The following RPA3 variants were observed in gnomAD, a reference collection of about 807,000 sequenced individuals.
RPA3 encodes replication protein A 14 kDa subunit.
In RPA3, 24 loss-of-function variants were observed where a neutral mutation model predicts 13.7. The ratio of observed to expected loss-of-function variants is 1.75; its 90% CI spans 1.27 to 2.46. The LOEUF is 2.46. Ranked by LOEUF, RPA3 falls within the 30% of genes most tolerant of loss-of-function variation. RPA3 has a pLI of 0.00. For synonymous variants in RPA3, 59 were observed against 51.2 expected (o/e 1.15, Z -0.65); for missense variants, 183 against 151.0 (o/e 1.21, Z -1.11).
intron 2 of RPA3, among the ~76,000 whole-genome samples, chr7:7,694,367 T>C (rs1308839691): frequency 6.6e-6 from 1 of 152,178 alleles, no homozygotes; most frequent in Non-Finnish European, 1.5e-5. Context: ...TATCATTTTT[T>C]TGTGATACAG....
chr7:7,641,271 C>T (rs1268924509), intron 4 of RPA3, 96 bp from the exon 5 acceptor site: 5 of 152,216 alleles, frequency 3.3e-5, no homozygotes, highest in African/African-American at 4.8e-5. Context: ...CCCGCTAACC[C>T]CTCCGTGTTG....
chr7:7,646,738 A>G (rs1785104236), intron 4 of RPA3, among the ~76,000 whole-genome samples: 2 of 151,938 alleles, frequency 1.3e-5, no homozygotes, highest in Non-Finnish European at 1.5e-5. Flanking sequence ...TCCCATGGCC[A>G]ATCTCCTCTC....
At chr7:7,712,587 C>T (rs546614325) in intron 2 of RPA3, among the ~76,000 whole-genome samples, 2 of 152,200 alleles carry the variant, frequency 1.3e-5, no homozygotes, top group South Asian at 4.1e-4. Flanking sequence ...TCTTTAGATT[C>T]TTTTGAATTT....
At chr7:7,693,473 A>C (rs550424461) in intron 2 of RPA3, among the ~76,000 whole-genome samples, 32 of 152,204 alleles carry the variant, frequency 2.1e-4, no homozygotes, top group African/African-American at 7.0e-4. Context: ...AAGTTAACCA[A>C]ATTTTTATTT....
At chr7:7,645,999 G>T (rs891857860) in intron 4 of RPA3, among the ~76,000 whole-genome samples, 1 of 152,162 alleles carries the variant, frequency 6.6e-6, no homozygotes, top group East Asian at 1.9e-4. Context: ...AACCCCTTAC[G>T]GGAGAGGGAG....
At chr7:7,662,160 C>A (rs2348554) in intron 4 of RPA3, among the ~76,000 whole-genome samples, 1 of 151,950 alleles carries the variant, frequency 6.6e-6, no homozygotes, top group Non-Finnish European at 1.5e-5. Context: ...GCCCTTCCCC[C>A]CACCAAGCTC....
intron 4 of RPA3, among the ~76,000 whole-genome samples, chr7:7,678,802 ATATATT>A (rs1209270973): frequency 1.3e-4 from 4 of 29,764 alleles, no homozygotes; most frequent in Admixed American, 4.7e-4. Flanking sequence ...TAGTTTATAA[ATATATT>A]TATATATTTA....
rs559809451 is a variant in RPA3 at position 7,679,724 on chromosome 7, A to T, written c.-758+6106T>A. 2.1e-4 allele frequency among the ~76,000 whole-genome samples: 30 copies of T among 142,618 alleles called. No individual in the cohort carries two copies. In the South Asian group the frequency reaches 6.2e-3, roughly 30 times the overall value. 93.6% of individuals were successfully genotyped at this position (142,618 alleles called of 152,430 possible). A position where few individuals can be genotyped will look rare whatever the true frequency, so the allele number is the denominator to read the frequency against. ...AATTTATAGATAAATATATATATAT[A>T]TATATATACACACACACATATTAAG... On this transcript the variant is annotated intron_variant, in intron 4 of 7. Transcript: ENST00000223129.
intron 4 of RPA3, among the ~76,000 whole-genome samples, chr7:7,660,862 G>A (rs1329067245): frequency 1.3e-5 from 2 of 152,172 alleles, no homozygotes; most frequent in African/African-American, 4.8e-5. Context: ...TGCTAGGTTG[G>A]AGAAGTTCTC....
chr7:7,649,518 C>T (rs1785174463), intron 4 of RPA3, among the ~76,000 whole-genome samples: 1 of 152,162 alleles, frequency 6.6e-6, no homozygotes, highest in South Asian at 2.1e-4. Flanking sequence ...ATATTCAAAC[C>T]ACAGCAGGAT....
At chr7:7,646,402 TC>T (rs1785093697) in intron 4 of RPA3, among the ~76,000 whole-genome samples, 1 of 151,648 alleles carries the variant, frequency 6.6e-6, no homozygotes, top group South Asian at 2.1e-4. Flanking sequence ...GGGGACAGTT[TC>T]CCCCATACTG....
intron 4 of RPA3, chr7:7,673,229 T>G: frequency 1.2e-6 from 1 of 867,452 alleles, no homozygotes; most frequent in Non-Finnish European, 1.9e-6. Flanking sequence ...GTTATATCGT[T>G]ATGCTGAACT....
intron 4 of RPA3, among the ~76,000 whole-genome samples, chr7:7,659,690 T>C (rs1785427879): frequency 6.6e-6 from 1 of 152,198 alleles, no homozygotes; most frequent in Non-Finnish European, 1.5e-5. Context: ...TTCCGTTCTT[T>C]TGCATTTCCT....
At chr7:7,655,889 G>A (rs1785329571) in intron 4 of RPA3, among the ~76,000 whole-genome samples, 1 of 152,136 alleles carries the variant, frequency 6.6e-6, no homozygotes, top group African/African-American at 2.4e-5. Flanking sequence ...AGGCTGGAAT[G>A]CCATGGTGTG....
intron 4 of RPA3, among the ~76,000 whole-genome samples, chr7:7,649,423 C>T (rs1394284692): frequency 6.6e-6 from 1 of 152,164 alleles, no homozygotes; most frequent in Non-Finnish European, 1.5e-5. Flanking sequence ...TCAGAGCTCT[C>T]ATAACCTGGT....
chr7:7,642,092 G>A (rs1234769571), intron 4 of RPA3, among the ~76,000 whole-genome samples: 1 of 152,208 alleles, frequency 6.6e-6, no homozygotes, highest in Non-Finnish European at 1.5e-5. Flanking sequence ...TGCAAAGCAA[G>A]TTGATGTGCA....
intron 4 of RPA3, among the ~76,000 whole-genome samples, chr7:7,649,143 A>G (rs1785163201): frequency 1.4e-5 from 2 of 138,286 alleles, no homozygotes; most frequent in South Asian, 2.4e-4. Context: ...GTGCGACAAG[A>G]GCGAGACTCC....
rs1195953421 is a variant in RPA3 at position 7,648,278 on chromosome 7, C to G, written c.-757-7103G>C. On this transcript the variant is annotated intron_variant, in intron 4 of 7. Transcript: ENST00000223129. Reference sequence around the variant, plus strand: ...AGATCATGAGTGATTTGCTGTTTCTCTGCTTAAGTTTTCTCCGCTTAAGTT... The same window carrying G: ...AGATCATGAGTGATTTGCTGTTTCTGTGCTTAAGTTTTCTCCGCTTAAGTT... 1.4e-4 allele frequency among the ~76,000 whole-genome samples: 21 copies of G among 152,198 alleles called. 1 individual carries two copies. Among genetic ancestry groups the G allele is most frequent in the Admixed American group, 1.4e-3 (21 of 15,290 alleles).
At chr7:7,651,321 G>T (rs989790784) in intron 4 of RPA3, among the ~76,000 whole-genome samples, 2 of 152,140 alleles carry the variant, frequency 1.3e-5, no homozygotes, top group African/African-American at 4.8e-5. Context: ...GGTGGGCTTG[G>T]CTTGTCTTTT....
Sources: allele counts gnomAD v4.1 joint callset (sites outside exome capture counted in the v4.1 genomes callset), GRCh38; gene constraint gnomAD v4.1.1; transcripts MANE v1.5; gene names NCBI Gene and HGNC (gene_info 2026-07-23, HGNC 2026-07-21).